GRM7: variants seen among roughly 807,000 people sequenced by gnomAD.
GRM7 encodes the protein metabotropic glutamate receptor 7.
A neutral mutation model predicts 84.5 loss-of-function variants in GRM7; 35 were observed. The ratio of observed to expected loss-of-function variants is 0.41; its 90% confidence interval spans 0.32 to 0.55. GRM7 has a LOEUF of 0.55. Ranked by LOEUF, GRM7 falls within the 20% of genes least tolerant of loss-of-function variation. The pLI, the probability that GRM7 is intolerant of heterozygous loss-of-function variation, is 0.19. For missense variants in GRM7, 1,003 were observed against 1,194.6 expected, an observed-to-expected ratio of 0.84 and a Z score of 2.36; for synonymous variants, 487 against 455.1, an observed-to-expected ratio of 1.07 and a Z score of -0.89.
chr3:7,738,603 T>A (rs1702581070), intron 9 of GRM7, among the ~76,000 whole-genome samples: 1 of 152,196 alleles, frequency 6.6e-6, no homozygotes, highest in Non-Finnish European at 1.5e-5. Flanking sequence ...TTTATAGTAA[T>A]CAATTTAAGG....
intron 8 of GRM7, among the ~76,000 whole-genome samples, chr3:7,594,691 G>A (rs1695951607): frequency 6.6e-6 from 1 of 152,132 alleles, no homozygotes; most frequent in African/African-American, 2.4e-5. Context: ...GCAGGTAACA[G>A]AGGTGAGCTG....
intron 1 of GRM7, among the ~76,000 whole-genome samples, chr3:6,962,034 T>G (rs1347442341): frequency 6.6e-6 from 1 of 152,230 alleles, no homozygotes; most frequent in African/African-American, 2.4e-5. Context: ...AGTTTTTCCT[T>G]AATTCACTGC....
In GRM7 at chr3:7,408,070, C is replaced by T. The variant is rs73810617; in HGVS notation, c.1034-6953C>T. On this transcript the variant is annotated intron_variant, in intron 4 of 9. Transcript: ENST00000357716. ...ATTTTATCAATTGAGAAACTTCGAC[C>T]GGTTAGCTCATTTGCTCAAGGTCAT... 4.6e-3 allele frequency among the ~76,000 whole-genome samples: 693 copies of T among 152,204 alleles called. 4 individuals carry two copies. Among genetic ancestry groups the T allele is most frequent in the South Asian group, 0.023 (110 of 4,812 alleles).
intron 2 of GRM7, among the ~76,000 whole-genome samples, chr3:7,230,264 T>A (rs1697150770): frequency 6.6e-6 from 1 of 152,188 alleles, no homozygotes. Context: ...CAAAATTGTA[T>A]ACCTAACACT....
rs1694839550 is a variant in GRM7, at chr3:6,863,619, C to G, written c.519+1712C>G. 6.6e-6 allele frequency among the ~76,000 whole-genome samples: 1 copy of G among 152,120 alleles called. No individual in the cohort carries two copies. Among genetic ancestry groups the G allele is most frequent in the Non-Finnish European group, 1.5e-5 (1 of 68,022 alleles). On this transcript the variant is annotated intron_variant, in intron 1 of 9. Coordinates refer to ENST00000357716, the MANE Select transcript of GRM7 (RefSeq NM_000844.4). The surrounding 1 kb of genome is among the most constrained non-coding windows in gnomAD (Gnocchi z 4.8). Reference sequence around the variant, plus strand: ...TTCCTTGCTTTTGGGAAGAACCTGGCTTGTAGCTGAAACCCAGAGCCCTTC... The same window carrying G: ...TTCCTTGCTTTTGGGAAGAACCTGGGTTGTAGCTGAAACCCAGAGCCCTTC...
chr3:7,077,530 T>C (rs28520191), intron 1 of GRM7, among the ~76,000 whole-genome samples: 23,664 of 142,936 alleles, frequency 0.17, 3,381 homozygotes, highest in African/African-American at 0.4. Flanking sequence ...AATGAGAACA[T>C]GTTGATACAG....
At chr3:7,264,394 C>T (rs1173543806) in intron 2 of GRM7, among the ~76,000 whole-genome samples, 1 of 152,160 alleles carries the variant, frequency 6.6e-6, no homozygotes, top group Non-Finnish European at 1.5e-5. Context: ...AGCAGTTCTC[C>T]CTGCCAACTG....
chr3:7,387,531 T>C (rs1196242578), intron 4 of GRM7, among the ~76,000 whole-genome samples: 1 of 152,214 alleles, frequency 6.6e-6, no homozygotes, highest in African/African-American at 2.4e-5. Context: ...CCTTGTACCA[T>C]TAATTGACTA....
At chr3:7,237,614 G>A (rs1267434979) in intron 2 of GRM7, among the ~76,000 whole-genome samples, 1 of 152,158 alleles carries the variant, frequency 6.6e-6, no homozygotes, top group Non-Finnish European at 1.5e-5. Flanking sequence ...CTTCAGGAGT[G>A]AAGCCGCAGA....
intron 4 of GRM7, among the ~76,000 whole-genome samples, chr3:7,379,545 G>A (rs1376970239): frequency 6.6e-6 from 1 of 152,032 alleles, no homozygotes; most frequent in Non-Finnish European, 1.5e-5. Context: ...AGTAAAATCT[G>A]TATTCTTTAA....
chr3:6,969,097 T>TC (rs144242334), intron 1 of GRM7, among the ~76,000 whole-genome samples: 9,186 of 152,018 alleles, frequency 0.06, 548 homozygotes, highest in African/African-American at 0.14. Flanking sequence ...TGTTTTTTTT[T>TC]TCTTTCTTGT....
chr3:7,704,533 T>G (rs1182242576), intron 9 of GRM7, among the ~76,000 whole-genome samples: 1 of 152,222 alleles, frequency 6.6e-6, no homozygotes, highest in Admixed American at 6.5e-5. Flanking sequence ...TATTAAAATG[T>G]CTTTTGATAA....
intron 8 of GRM7, among the ~76,000 whole-genome samples, chr3:7,596,662 C>A (rs1218879847): frequency 6.6e-6 from 1 of 152,086 alleles, no homozygotes; most frequent in Non-Finnish European, 1.5e-5. Flanking sequence ...ACTAGAGCAT[C>A]CAATTGAGCA....
At position 6,913,626 on chromosome 3, in the gene GRM7, T is replaced by C. The variant is rs961140956; in HGVS notation, c.519+51719T>C. ...TTGCAGACCTCCTCATTTCTGGGTC[T>C]AGTTATAATAAACCTTTTGGTTTCA... is the stretch of plus-strand genomic sequence containing the variant. On this transcript the variant is annotated intron_variant, in intron 1 of 9. Transcript: ENST00000357716. Among the ~76,000 whole-genome samples the C allele has an allele frequency of 1.3e-5, 2 of 152,338 alleles. 1 individual carries two copies. Among genetic ancestry groups the C allele is most frequent in the Admixed American group, 1.3e-4 (2 of 15,290 alleles).
At position 7,515,407 on chromosome 3, in the gene GRM7, C is replaced by A. The variant is rs577657518; in HGVS notation, c.1515+53685C>A. Among the ~76,000 whole-genome samples the A allele has an allele frequency of 3.7e-4, 56 of 152,186 alleles. 1 individual carries two copies. The highest frequency in any genetic ancestry group is 1.3e-3 in the African/African-American group (54 of 41,520). ...CAAATACCAGGAGCACTGCCCCGAG[C>A]TGACAATCAAAAATGTCACCAGACA... On this transcript the variant is annotated intron_variant, in intron 7 of 9. Transcript: ENST00000357716.
chr3:7,521,032 T>G (rs1383066991), intron 7 of GRM7, among the ~76,000 whole-genome samples: 1 of 152,190 alleles, frequency 6.6e-6, no homozygotes, highest in East Asian at 1.9e-4. Flanking sequence ...AGGATCCAGG[T>G]TTTATTGTTC....
intron 1 of GRM7, among the ~76,000 whole-genome samples, chr3:6,916,908 G>C (rs1048503537): frequency 2.0e-5 from 3 of 152,146 alleles, no homozygotes; most frequent in Admixed American, 6.6e-5. Flanking sequence ...GGTGGGGGCA[G>C]AAAATGTTGC....
intron 4 of GRM7, among the ~76,000 whole-genome samples, chr3:7,358,094 C>T (rs1693489949): frequency 1.3e-5 from 2 of 152,088 alleles, no homozygotes; most frequent in African/African-American, 2.4e-5. Context: ...TAAGAATACA[C>T]ATGACAAACA....
At chr3:7,020,548 T>C (rs1180427849) in intron 1 of GRM7, among the ~76,000 whole-genome samples, 1 of 152,190 alleles carries the variant, frequency 6.6e-6, no homozygotes, top group Non-Finnish European at 1.5e-5. Flanking sequence ...ACTGACATAA[T>C]GTTTGAGAAT....
Sources: allele counts gnomAD v4.1 joint callset (sites outside exome capture counted in the v4.1 genomes callset), GRCh38; gene constraint gnomAD v4.1.1; non-coding constraint Gnocchi (gnomAD v3.1); transcripts MANE v1.5; gene names NCBI Gene and HGNC (gene_info 2026-07-23, HGNC 2026-07-21).